The following TEX11 variants were observed in gnomAD, a reference collection of about 807,000 sequenced individuals.
The protein encoded by TEX11 is testis-expressed protein 11.
TEX11 carries 7 observed loss-of-function variants against 84.4 expected under a neutral mutation model. The observed-to-expected ratio is 0.08, with a 90% CI of 0.05 to 0.16. The LOEUF is 0.16. Among genes scored for constraint, TEX11 ranks in the 10% least tolerant of loss-of-function variants. TEX11 has a pLI of 1.00. For synonymous variants in TEX11, 264 were observed against 222.8 expected (o/e 1.18, Z -1.64); for missense variants, 551 against 660.5 (o/e 0.83, Z 1.82).
At chrX:70,570,307 G>A (rs1158441219) in intron 25 of TEX11, among the ~76,000 whole-genome samples, 1 of 112,041 alleles carries the variant, frequency 8.9e-6, no homozygotes, top group African/African-American at 3.2e-5. Flanking sequence ...GGTGCCGTCT[G>A]TCACCCCTTT....
At chrX:70,516,633 A>G in the TEX11 span, among the ~76,000 whole-genome samples, 8 of 111,326 alleles carry the variant, frequency 7.2e-5, no homozygotes, top group Non-Finnish European at 1.5e-4. Flanking sequence ...TGAACTTTAA[A>G]GTAGTTTTTT....
intron 21 of TEX11, 28 bp downstream of exon 21, chrX:70,610,475 G>A (rs770197963): frequency 1.7e-6 from 2 of 1,184,757 alleles, no homozygotes; most frequent in Non-Finnish European, 2.3e-6. Flanking sequence ...CAAGATGAAG[G>A]ACTGAATATA....
At chrX:70,520,093 A>G in the TEX11 span, among the ~76,000 whole-genome samples, 1 of 111,638 alleles carries the variant, frequency 9.0e-6, no homozygotes, top group African/African-American at 3.3e-5. Flanking sequence ...GTTTGTTGTT[A>G]CCGACCTTCC....
Position 70,817,248 on chromosome X carries a change from T to TAC in TEX11, c.607-10459_607-10458insGT, listed in dbSNP as rs1231830224. Among the ~76,000 whole-genome samples, 27 of 93,128 alleles carry TAC rather than the reference T, an allele frequency of 2.9e-4. No homozygotes were observed. The South Asian group carries it at 7.1e-3, about 25-fold the overall frequency. 80.9% of individuals were successfully genotyped at this position (93,128 alleles called of 115,157 possible). A position where few individuals can be genotyped will look rare whatever the true frequency, so the allele number is the denominator to read the frequency against. ...ATACACATACACACACACACACATA[T>TAC]ATATATACACACACACACACACACA... On this transcript the variant is annotated intron_variant, in intron 8 of 29. Coordinates refer to ENST00000374333, the MANE Select transcript of TEX11 (RefSeq NM_031276.3).
chrX:70,838,942 C>A (rs1027791592), intron 7 of TEX11, among the ~76,000 whole-genome samples: 3 of 112,304 alleles, frequency 2.7e-5, no homozygotes, highest in African/African-American at 9.7e-5. Flanking sequence ...CGGGGAGGGG[C>A]ACCCACCATT....
intron 28 of TEX11, among the ~76,000 whole-genome samples, chrX:70,550,945 G>T (rs1386591392): frequency 9.0e-6 from 1 of 111,689 alleles, no homozygotes; most frequent in African/African-American, 3.3e-5. Flanking sequence ...AGAGGTATCT[G>T]CACTCCTATG....
At chrX:70,900,119 C>A (rs866704082) in intron 2 of TEX11, among the ~76,000 whole-genome samples, 4 of 102,721 alleles carry the variant, frequency 3.9e-5, no homozygotes, top group Middle Eastern at 6.5e-3. Flanking sequence ...TGCAATGAGC[C>A]GAGATGGTGC....
chrX:70,671,910 T>TATATATATATATATATATATATATACAC (rs57166359), intron 15 of TEX11, among the ~76,000 whole-genome samples: 2 of 67,971 alleles, frequency 2.9e-5, no homozygotes, highest in African/African-American at 5.1e-5. Flanking sequence ...TATATATATA[T>TATATATATATATATATATATATATACAC]ACACACACAC....
chrX:70,515,572 A>G, the TEX11 span, among the ~76,000 whole-genome samples: 1 of 112,359 alleles, frequency 8.9e-6, no homozygotes, highest in East Asian at 2.8e-4. Context: ...ATAGTGCTGC[A>G]GTAAACATAT....
chrX:70,807,161 G>A (rs1283144533), intron 8 of TEX11, among the ~76,000 whole-genome samples: 4 of 112,038 alleles, frequency 3.6e-5, no homozygotes, highest in Non-Finnish European at 7.5e-5. Flanking sequence ...GCTTTTGGTT[G>A]CCAGATCCAG....
the TEX11 span, among the ~76,000 whole-genome samples, chrX:70,512,598 C>G: frequency 1.8e-5 from 2 of 108,195 alleles, no homozygotes; most frequent in African/African-American, 6.9e-5. Context: ...CACCCTCTAT[C>G]TTTAATATTG....
At chrX:70,628,416 C>A (rs989429604) in intron 18 of TEX11, among the ~76,000 whole-genome samples, 2 of 111,254 alleles carry the variant, frequency 1.8e-5, no homozygotes, top group African/African-American at 6.5e-5. Context: ...CTTTCCAAAG[C>A]CCAACTTAAG....
intron 24 of TEX11, among the ~76,000 whole-genome samples, chrX:70,598,187 A>C (rs1245301896): frequency 3.6e-5 from 4 of 112,260 alleles, no homozygotes; most frequent in African/African-American, 1.3e-4. Context: ...TCTCTAAATA[A>C]ATAGATAAAT....
intron 14 of TEX11, among the ~76,000 whole-genome samples, chrX:70,679,817 C>G (rs1291748072): frequency 3.0e-5 from 3 of 101,075 alleles, no homozygotes; most frequent in Non-Finnish European, 4.1e-5. Flanking sequence ...CCGCCCCGTC[C>G]GGGAGGGAGG....
chrX:70,852,260 T>C (rs1012980292), intron 7 of TEX11, among the ~76,000 whole-genome samples: 2 of 112,162 alleles, frequency 1.8e-5, no homozygotes, highest in Non-Finnish European at 3.8e-5. Context: ...GGCACAATCA[T>C]AGCTCACTGT....
intron 9 of TEX11, among the ~76,000 whole-genome samples, chrX:70,793,875 A>T (rs1292940857): frequency 9.0e-6 from 1 of 111,096 alleles, no homozygotes; most frequent in Non-Finnish European, 1.9e-5. Context: ...CTCCAAAAAA[A>T]AAAAAGGCTC....
chrX:70,898,901 G>A (rs1387075861), intron 2 of TEX11, among the ~76,000 whole-genome samples: 1 of 111,666 alleles, frequency 9.0e-6, no homozygotes, highest in East Asian at 2.8e-4. Flanking sequence ...CACGGCACCC[G>A]GCCATAAACT....
chrX:70,658,133 G>A (rs2089890104), intron 16 of TEX11, among the ~76,000 whole-genome samples: 1 of 111,531 alleles, frequency 9.0e-6, no homozygotes, highest in Non-Finnish European at 1.9e-5. Context: ...AAGAATTAGC[G>A]GTGGGGCGTC....
chrX:70,809,951 G>C, intron 8 of TEX11, among the ~76,000 whole-genome samples: 1 of 111,547 alleles, frequency 9.0e-6, no homozygotes, highest in Middle Eastern at 4.6e-3. Context: ...TGATAAAAAA[G>C]AATTACATGC....
Sources: allele counts gnomAD v4.1 joint callset (sites outside exome capture counted in the v4.1 genomes callset), GRCh38; gene constraint gnomAD v4.1.1; transcripts MANE v1.5; gene names NCBI Gene and HGNC (gene_info 2026-07-23, HGNC 2026-07-21).